The following PLA2G4E variants were observed in gnomAD, a reference collection of about 807,000 sequenced individuals.
PLA2G4E encodes the protein cytosolic phospholipase A2 epsilon.
A neutral mutation model predicts 109.1 loss-of-function variants in PLA2G4E; 84 were observed. That is an observed-to-expected ratio of 0.77 (90% confidence interval 0.65 to 0.92). The LOEUF (loss-of-function observed/expected upper bound fraction) is 0.92. Among genes scored for constraint, PLA2G4E ranks in the 40% least tolerant of loss-of-function variants. PLA2G4E has a pLI of 0.00. For missense variants in PLA2G4E, 1,057 were observed against 1,076.6 expected (o/e 0.98, Z 0.25); for synonymous variants, 469 against 436.1 (o/e 1.08, Z -0.94).
intron 1 of PLA2G4E, among the ~76,000 whole-genome samples, chr15:42,043,343 C>T (rs535894416): frequency 6.6e-6 from 1 of 152,050 alleles, no homozygotes; most frequent in Non-Finnish European, 1.5e-5. Context: ...CCAGCCTGGC[C>T]TAGTGAGGGA....
rs193070776 is a variant in PLA2G4E at position 42,028,695 on chromosome 15, C to T, written c.184-14938G>A. Among the ~76,000 whole-genome samples, 51 of 152,334 alleles carry T rather than the reference C, an allele frequency of 3.3e-4. 1 individual carries two copies. Among genetic ancestry groups the T allele is most frequent in the Admixed American group, 5.9e-4 (9 of 15,302 alleles). ...GTGCTGGGATTATAGGCATGAGCCA[C>T]CGTGCCCAGCCTGTACTCTCTTTTT... On this transcript the variant is annotated intron_variant, in intron 1 of 19. Transcript: ENST00000399518.
chr15:42,002,250 G>A (rs2068427786), intron 6 of PLA2G4E, among the ~76,000 whole-genome samples: 1 of 116,946 alleles, frequency 8.6e-6, no homozygotes, highest in South Asian at 3.2e-4. Context: ...GGGCGACAGA[G>A]TGAGACCTTG....
At chr15:42,001,065 G>T in intron 7 of PLA2G4E, 92 bp downstream of exon 7, 1 of 1,338,008 alleles carries the variant, frequency 7.5e-7, no homozygotes, top group Non-Finnish European at 1.1e-6. Context: ...TGAGCCCAGG[G>T]AAGCCCTGGA....
At chr15:41,991,637 T>A (rs943924569) in intron 13 of PLA2G4E, among the ~76,000 whole-genome samples, 1 of 152,136 alleles carries the variant, frequency 6.6e-6, no homozygotes, top group African/African-American at 2.4e-5. Context: ...CTCAAGTAAT[T>A]TAATTGAAGG....
At chr15:42,028,502 C>CATCAAGCAA (rs1889060842) in intron 1 of PLA2G4E, among the ~76,000 whole-genome samples, 1 of 151,906 alleles carries the variant, frequency 6.6e-6, no homozygotes, top group East Asian at 1.9e-4. Context: ...CACCTCCTGG[C>CATCAAGCAA]TTCAAGCAAT....
At chr15:41,983,798 C>A (rs747707367) in exon 20 of PLA2G4E, 2 of 1,606,848 alleles carry the variant, frequency 1.2e-6, no homozygotes, top group African/African-American at 2.7e-5. Flanking sequence ...TTCTCCACTG[C>A]GAGCCGCAGA....
chr15:42,038,114 AT>A (rs907169276), intron 1 of PLA2G4E, among the ~76,000 whole-genome samples: 1 of 152,192 alleles, frequency 6.6e-6, no homozygotes, highest in Non-Finnish European at 1.5e-5. Context: ...CAAGGTACAC[AT>A]TTTTTCCCAT....
rs373940622 is a variant in PLA2G4E, at chr15:42,002,645, G to A, written c.609+9C>T. On this transcript the variant is annotated intron_variant, in intron 6 of 19. Transcript: ENST00000399518. Reference sequence around the variant, plus strand: ...CTCTGGAGCTACAGGAACCCAGGAAGATAATTACCACCAGCACGCCATTGG... The same window carrying A: ...CTCTGGAGCTACAGGAACCCAGGAAAATAATTACCACCAGCACGCCATTGG... 5.1e-6 allele frequency: 8 copies of A among 1,581,694 alleles called. No homozygotes were observed. In the African/African-American group the frequency reaches 8.1e-5, roughly 16 times the overall value.
At chr15:42,022,567 A>T (rs1455360890) in intron 1 of PLA2G4E, among the ~76,000 whole-genome samples, 4 of 152,048 alleles carry the variant, frequency 2.6e-5, no homozygotes, top group Non-Finnish European at 1.5e-5. Context: ...ATCAGGCATT[A>T]GATTTTCATA....
At chr15:42,050,134 G>T (rs1236888777) in intron 1 of PLA2G4E, among the ~76,000 whole-genome samples, 1 of 152,188 alleles carries the variant, frequency 6.6e-6, no homozygotes, top group Non-Finnish European at 1.5e-5. Context: ...GCATGGTCTT[G>T]TTCACTCTTC....
chr15:42,000,332 C>T (rs1178986090), intron 7 of PLA2G4E, 50 bp from the exon 8 acceptor site: 2 of 1,502,962 alleles, frequency 1.3e-6, no homozygotes, highest in Admixed American at 2.1e-5. Flanking sequence ...TCACTACCCA[C>T]CTGCAACTTG....
chr15:42,005,826 A>C (rs2068469740), intron 4 of PLA2G4E, among the ~76,000 whole-genome samples, 164 bp downstream of exon 4: 1 of 152,216 alleles, frequency 6.6e-6, no homozygotes, highest in Admixed American at 6.5e-5. Context: ...TTTTTACGAC[A>C]TCACATAGTG....
At chr15:41,995,474 G>A (rs911595384) in exon 12 of PLA2G4E, 3 of 1,613,954 alleles carry the variant, frequency 1.9e-6, no homozygotes, top group Non-Finnish European at 1.7e-6. Flanking sequence ...ACCCCCAGTG[G>A]CCATGATGGC....
At chr15:42,015,800 C>A (rs1157622850) in intron 1 of PLA2G4E, among the ~76,000 whole-genome samples, 5 of 152,224 alleles carry the variant, frequency 3.3e-5, no homozygotes, top group Non-Finnish European at 7.3e-5. Context: ...TCCCTAGGGG[C>A]CCAAGGCTGC....
chr15:41,999,703 A>G, intron 9 of PLA2G4E, 142 bp from the exon 10 acceptor site: 1 of 1,180,280 alleles, frequency 8.5e-7, no homozygotes, highest in Admixed American at 2.1e-5. Context: ...TTCTGGACAC[A>G]ATCTCCCCAC....
intron 14 of PLA2G4E, 66 bp from the exon 15 acceptor site, chr15:41,989,618 C>G (rs1029922954): frequency 4.5e-6 from 7 of 1,544,696 alleles, no homozygotes; most frequent in Admixed American, 1.9e-5. Context: ...AGCCGGGCCC[C>G]CCTCCTGCCT....
chr15:42,005,959 C>G, intron 4 of PLA2G4E, 31 bp downstream of exon 4: 1 of 1,609,508 alleles, frequency 6.2e-7, no homozygotes, highest in Non-Finnish European at 8.5e-7. Flanking sequence ...ATCATGAAGC[C>G]GGAGTCTGAG....
exon 20 of PLA2G4E, chr15:41,983,936 C>T (rs777189345): frequency 1.2e-6 from 2 of 1,612,062 alleles, no homozygotes; most frequent in Non-Finnish European, 1.7e-6. Flanking sequence ...TAAATGTCCA[C>T]CTGGCCCTGC....
At chr15:41,986,957 A>C in intron 17 of PLA2G4E, 1 of 593,320 alleles carries the variant, frequency 1.7e-6, no homozygotes, top group Non-Finnish European at 3.0e-6. Context: ...GTACAGATGC[A>C]GTGAGTTAAG....
Sources: allele counts gnomAD v4.1 joint callset (sites outside exome capture counted in the v4.1 genomes callset), GRCh38; gene constraint gnomAD v4.1.1; transcripts MANE v1.5; gene names NCBI Gene and HGNC (gene_info 2026-07-23, HGNC 2026-07-21).